Variants in GRIK1 observed in about 807,000 individuals in gnomAD.
The protein encoded by GRIK1 is glutamate ionotropic receptor kainate type subunit 1.
Under a neutral mutation model 105.7 loss-of-function variants are expected in GRIK1, and 69 were observed. That is an observed-to-expected ratio of 0.65 (90% CI 0.54 to 0.80). The LOEUF is 0.80. Ranked by LOEUF, GRIK1 falls within the 30% of genes least tolerant of loss-of-function variation. The probability of loss-of-function intolerance (pLI) is 0.00; values close to 1 mark genes in which losing one functional copy is unlikely to be tolerated. For missense variants in GRIK1, 1,109 were observed against 1,167.3 expected (o/e 0.95, Z 0.73); for synonymous variants, 438 against 431.3 (o/e 1.02, Z -0.19).
chr21:29,929,719 G>A lies in GRIK1; in HGVS notation c.118+9664C>T, dbSNP rs117992190. ...GGCAACTCTTACATGCTGTTGGCAG[G>A]AATGTAAATTAGTACAATCATTATG... is the stretch of plus-strand genomic sequence containing the variant. On this transcript the variant is annotated intron_variant, in intron 1 of 17. Coordinates refer to ENST00000327783, the MANE Select transcript of GRIK1 (RefSeq NM_001330994.2). 1.6e-3 allele frequency among the ~76,000 whole-genome samples: 239 copies of A among 152,280 alleles called. 3 individuals are homozygous for A. In the East Asian group the frequency reaches 0.024, roughly 15 times the overall value.
chr21:29,757,253 A>G (rs1037018826), intron 1 of GRIK1, among the ~76,000 whole-genome samples: 10 of 152,220 alleles, frequency 6.6e-5, no homozygotes, highest in Non-Finnish European at 1.2e-4. Context: ...TTCAATTCCC[A>G]TCACATACAT....
intron 1 of GRIK1, among the ~76,000 whole-genome samples, chr21:29,845,650 CT>C (rs1830460070): frequency 6.6e-6 from 1 of 152,108 alleles, no homozygotes; most frequent in Non-Finnish European, 1.5e-5. Flanking sequence ...AGTTATTTGT[CT>C]AACGTAATTT....
intron 7 of GRIK1, among the ~76,000 whole-genome samples, chr21:29,613,865 A>G (rs762696279): frequency 4.6e-5 from 7 of 152,200 alleles, no homozygotes; most frequent in Non-Finnish European, 8.8e-5. Flanking sequence ...TAACCCTATA[A>G]TCTAGAGGAT....
At chr21:29,701,712 C>T (rs990440718) in intron 1 of GRIK1, among the ~76,000 whole-genome samples, 1 of 151,982 alleles carries the variant, frequency 6.6e-6, no homozygotes, top group African/African-American at 2.4e-5. Flanking sequence ...GGAGATCTGC[C>T]CTTGGAGATG....
At chr21:29,851,983 C>G (rs535256740) in intron 1 of GRIK1, among the ~76,000 whole-genome samples, 1 of 152,314 alleles carries the variant, frequency 6.6e-6, no homozygotes, top group Non-Finnish European at 1.5e-5. Flanking sequence ...TCAGTGCCAT[C>G]TTTGATCCTT....
rs182166975 is a variant in GRIK1 at position 29,621,991 on chromosome 21, G to C, written c.1098+20835C>G. Among the ~76,000 whole-genome samples the C allele has an allele frequency of 3.6e-3, 550 of 151,440 alleles. 7 individuals carry two copies. Among genetic ancestry groups the C allele is most frequent in the African/African-American group, 0.013 (523 of 41,232 alleles). ...GTTGGAGTTTCGCTCTTGTTGCCCA[G>C]GCTGGAGTGCAATGGCACGATCTTA... On this transcript the variant is annotated intron_variant, in intron 7 of 17. Coordinates refer to ENST00000327783, the MANE Select transcript of GRIK1 (RefSeq NM_001330994.2).
intron 1 of GRIK1, among the ~76,000 whole-genome samples, chr21:29,797,939 T>C (rs1242569413): frequency 6.6e-6 from 1 of 152,218 alleles, no homozygotes; most frequent in Admixed American, 6.5e-5. Flanking sequence ...TCTTCAGTGA[T>C]GAAAAACAAA....
chr21:29,816,207 A>G (rs1205853187), intron 1 of GRIK1, among the ~76,000 whole-genome samples: 1 of 152,122 alleles, frequency 6.6e-6, no homozygotes, highest in Non-Finnish European at 1.5e-5. Flanking sequence ...AATCAACATA[A>G]TTAATTATTA....
intron 10 of GRIK1, among the ~76,000 whole-genome samples, chr21:29,590,742 G>A (rs1327227609): frequency 1.3e-5 from 2 of 152,184 alleles, no homozygotes; most frequent in Non-Finnish European, 2.9e-5. Flanking sequence ...GCAGTTGGGA[G>A]GGAACAGAAG....
chr21:29,811,458 G>A (rs2067007768), intron 1 of GRIK1, among the ~76,000 whole-genome samples: 1 of 152,054 alleles, frequency 6.6e-6, no homozygotes, highest in Non-Finnish European at 1.5e-5. Context: ...CTAACTATAA[G>A]TAGATTTTAA....
intron 1 of GRIK1, among the ~76,000 whole-genome samples, chr21:29,708,204 A>C (rs1239126097): frequency 6.6e-6 from 1 of 152,208 alleles, no homozygotes; most frequent in Non-Finnish European, 1.5e-5. Context: ...TATTGCTTCA[A>C]GTTGCATCCG....
intron 1 of GRIK1, among the ~76,000 whole-genome samples, chr21:29,859,368 G>GTA (rs1490825463): frequency 4.7e-5 from 7 of 149,790 alleles, no homozygotes; most frequent in South Asian, 4.2e-4. Context: ...TAATAAAAAA[G>GTA]TATATATATA....
At chr21:29,853,930 G>A (rs1569161285) in intron 1 of GRIK1, among the ~76,000 whole-genome samples, 1 of 152,150 alleles carries the variant, frequency 6.6e-6, no homozygotes. Context: ...CAGCATGGGT[G>A]GGTCACAATT....
chr21:29,824,973 G>A (rs1164677895), intron 1 of GRIK1, among the ~76,000 whole-genome samples: 1 of 151,988 alleles, frequency 6.6e-6, no homozygotes, highest in Non-Finnish European at 1.5e-5. Flanking sequence ...CTGATGATAG[G>A]TATATTTTAA....
At chr21:29,684,505 C>T (rs1295238481) in intron 3 of GRIK1, among the ~76,000 whole-genome samples, 2 of 151,928 alleles carry the variant, frequency 1.3e-5, no homozygotes, top group African/African-American at 4.8e-5. Flanking sequence ...ATAGCAAAAA[C>T]GCAATTACTT....
intron 10 of GRIK1, among the ~76,000 whole-genome samples, chr21:29,589,302 A>G (rs1211029411): frequency 6.6e-6 from 1 of 152,044 alleles, no homozygotes; most frequent in Non-Finnish European, 1.5e-5. Flanking sequence ...GGTGTGATGG[A>G]TACACAGTCA....
chr21:29,796,923 T>A (rs1162273128), intron 1 of GRIK1, among the ~76,000 whole-genome samples: 1 of 151,458 alleles, frequency 6.6e-6, no homozygotes, highest in Non-Finnish European at 1.5e-5. Flanking sequence ...CCCTCCAGCC[T>A]GGGTGACAGA....
chr21:29,679,070 C>T (rs751759731), intron 3 of GRIK1, among the ~76,000 whole-genome samples: 1 of 152,278 alleles, frequency 6.6e-6, no homozygotes, highest in East Asian at 1.9e-4. Flanking sequence ...TGGTTGAGCA[C>T]ATTAAATGAG....
At chr21:29,934,412 C>G (rs2071677002) in intron 1 of GRIK1, among the ~76,000 whole-genome samples, 1 of 152,134 alleles carries the variant, frequency 6.6e-6, no homozygotes, top group Admixed American at 6.5e-5. Flanking sequence ...TAGTCAGGCA[C>G]TCCCTTTTAT....
Sources: gnomAD v4.1 joint callset for allele counts (sites outside exome capture counted in the v4.1 genomes callset) on GRCh38, gnomAD v4.1.1 for gene constraint, MANE v1.5 for transcripts, NCBI Gene and HGNC (gene_info 2026-07-23, HGNC 2026-07-21) for gene names.